Variants in PKIB observed in about 807,000 individuals in gnomAD.
PKIB encodes the protein cAMP-dependent protein kinase inhibitor beta, also known as PKI-beta.
PKIB carries 2 observed loss-of-function variants against 4.5 expected under a neutral mutation model. The ratio of observed to expected loss-of-function variants is 0.44; its 90% CI spans 0.18 to 1.39. PKIB has a LOEUF of 1.39. Among genes scored for constraint, PKIB ranks in the 40% most tolerant of loss-of-function variants. The pLI, the probability that PKIB is intolerant of heterozygous loss-of-function variation, is 0.27. For synonymous variants in PKIB, 38 were observed against 36.0 expected (o/e 1.06, Z -0.20); for missense variants, 94 against 92.6 (o/e 1.02, Z -0.06).
chr6:122,577,792 C>T (rs1773590404), intron 2 of PKIB, among the ~76,000 whole-genome samples: 1 of 151,426 alleles, frequency 6.6e-6, no homozygotes, highest in South Asian at 2.1e-4. Flanking sequence ...GCCTGTAGTC[C>T]CAGATACTCA....
intron 2 of PKIB, among the ~76,000 whole-genome samples, chr6:122,532,572 T>TC (rs1777290056): frequency 6.6e-6 from 1 of 152,232 alleles, no homozygotes. Flanking sequence ...ACCTTCTTTA[T>TC]CTGTGAATTT....
chr6:122,642,024 C>G (rs1326913052), intron 2 of PKIB, among the ~76,000 whole-genome samples: 1 of 152,138 alleles, frequency 6.6e-6, no homozygotes, highest in Non-Finnish European at 1.5e-5. Context: ...GAGCTTCAGC[C>G]AATCACAGAC....
intron 2 of PKIB, among the ~76,000 whole-genome samples, chr6:122,518,901 A>G (rs971891628): frequency 3.9e-5 from 6 of 152,232 alleles, no homozygotes; most frequent in African/African-American, 1.4e-4. Flanking sequence ...TGAGCACCAC[A>G]TGCTGACCAC....
chr6:122,509,041 G>T (rs964630203), intron 2 of PKIB, among the ~76,000 whole-genome samples: 2 of 151,966 alleles, frequency 1.3e-5, no homozygotes, highest in African/African-American at 2.4e-5. Flanking sequence ...GAGCCACCGC[G>T]CCCGGCCTAA....
chr6:122,546,160 TGAGAA>T (rs1446080963), intron 2 of PKIB, among the ~76,000 whole-genome samples: 2 of 152,084 alleles, frequency 1.3e-5, no homozygotes, highest in East Asian at 1.9e-4. Context: ...TTCCTTTTCT[TGAGAA>T]GAGAAGTTTT....
At chr6:122,483,987 G>T (rs1227279950) in intron 2 of PKIB, 1 of 152,154 alleles carries the variant, frequency 6.6e-6, no homozygotes, top group Non-Finnish European at 1.5e-5. Flanking sequence ...CCATAGCTAG[G>T]ATAGAATACA....
intron 2 of PKIB, among the ~76,000 whole-genome samples, chr6:122,535,914 A>G (rs1369321317): frequency 6.6e-6 from 1 of 152,044 alleles, no homozygotes; most frequent in Non-Finnish European, 1.5e-5. Flanking sequence ...ACATCATGAC[A>G]CTCTAATGTT....
intron 2 of PKIB, among the ~76,000 whole-genome samples, chr6:122,642,953 G>T (rs1776175961): frequency 6.6e-6 from 1 of 152,026 alleles, no homozygotes; most frequent in African/African-American, 2.4e-5. Context: ...AACTAGTATA[G>T]CTCCTAGGAT....
In PKIB at chr6:122,582,990, A is replaced by G. The variant is rs147020309; in HGVS notation, c.-247-2931A>G. ...ATCTTCTGAATATTGATTAATACTT[A>G]GTCATATGAAGAAATATTAATATAA... is the stretch of plus-strand genomic sequence containing the variant. On this transcript the variant is annotated intron_variant, in intron 2 of 6. Coordinates refer to the PKIB transcript ENST00000392491. 9.2e-3 allele frequency among the ~76,000 whole-genome samples: 1,393 copies of G among 152,144 alleles called. 23 individuals are homozygous for G. Among genetic ancestry groups the G allele is most frequent in the African/African-American group, 0.03 (1,245 of 41,556 alleles).
intron 1 of PKIB, among the ~76,000 whole-genome samples, chr6:122,475,225 T>C (rs527978): frequency 0.7 from 106,764 of 152,062 alleles, 37,618 homozygotes; most frequent in South Asian, 0.78. Context: ...ATTACAGGCG[T>C]GTACCAAAAC....
At chr6:122,642,930 T>C (rs1381439913) in intron 2 of PKIB, among the ~76,000 whole-genome samples, 1 of 152,218 alleles carries the variant, frequency 6.6e-6, no homozygotes, top group Admixed American at 6.5e-5. Flanking sequence ...TACATCTTTA[T>C]TTTAAACTTC....
At chr6:122,642,546 G>C (rs1185871386) in intron 2 of PKIB, among the ~76,000 whole-genome samples, 1 of 152,146 alleles carries the variant, frequency 6.6e-6, no homozygotes, top group Admixed American at 6.6e-5. Flanking sequence ...TCACATGCCA[G>C]GTAAAGCTAT....
chr6:122,660,153 A>G (rs1477665297), intron 2 of PKIB, among the ~76,000 whole-genome samples: 2 of 152,230 alleles, frequency 1.3e-5, no homozygotes, highest in Admixed American at 6.5e-5. Context: ...GGATTCTGAC[A>G]TACATGAGAA....
At chr6:122,590,763 G>A (rs149438879) in intron 3 of PKIB, among the ~76,000 whole-genome samples, 133 of 152,262 alleles carry the variant, frequency 8.7e-4, no homozygotes, top group African/African-American at 3.1e-3. Context: ...AGAAAAAAGG[G>A]AGAGTTGGAG....
intron 2 of PKIB, among the ~76,000 whole-genome samples, chr6:122,665,375 C>T (rs1777177690): frequency 6.6e-6 from 1 of 152,120 alleles, no homozygotes; most frequent in Non-Finnish European, 1.5e-5. Context: ...AAATTATTTT[C>T]TTAGTCTAAA....
intron 2 of PKIB, among the ~76,000 whole-genome samples, chr6:122,658,662 G>A (rs1045395532): frequency 1.6e-4 from 25 of 151,794 alleles, no homozygotes; most frequent in Middle Eastern, 3.4e-3. Flanking sequence ...TCTCTGGGCA[G>A]AGGTCTTTCT....
intron 2 of PKIB, among the ~76,000 whole-genome samples, chr6:122,540,274 G>T (rs1218931732): frequency 6.6e-6 from 1 of 151,868 alleles, no homozygotes; most frequent in Non-Finnish European, 1.5e-5. Context: ...TGTGATGTTA[G>T]GGTGTCAATT....
At chr6:122,604,113 G>T (rs1368821098) in intron 3 of PKIB, among the ~76,000 whole-genome samples, 1 of 152,156 alleles carries the variant, frequency 6.6e-6, no homozygotes, top group Non-Finnish European at 1.5e-5. Flanking sequence ...TTCATGTACT[G>T]GTCCTGAAAC....
intron 1 of PKIB, among the ~76,000 whole-genome samples, chr6:122,611,731 A>G (rs553603599): frequency 1.0e-3 from 158 of 152,312 alleles, no homozygotes; most frequent in East Asian, 5.8e-4. Flanking sequence ...TAGAAAGCTC[A>G]GCATTTGGAT....
Sources: allele counts gnomAD v4.1 joint callset (sites outside exome capture counted in the v4.1 genomes callset), GRCh38; gene constraint gnomAD v4.1.1; transcripts MANE v1.5; gene names NCBI Gene and HGNC (gene_info 2026-07-23, HGNC 2026-07-21).